C1orf198: variants seen among roughly 807,000 people sequenced by gnomAD.
C1orf198 encodes the protein uncharacterized protein C1orf198.
A neutral mutation model predicts 31.4 loss-of-function variants in C1orf198; 17 were observed. The observed-to-expected ratio is 0.54, with a 90% CI of 0.37 to 0.81. C1orf198 has a LOEUF of 0.81. Ranked by LOEUF, C1orf198 falls within the 40% of genes least tolerant of loss-of-function variation. The pLI is 0.00. For missense variants in C1orf198, 401 were observed against 450.3 expected (o/e 0.89, Z 0.99); for synonymous variants, 175 against 193.8 (o/e 0.90, Z 0.81).
upstream of C1orf198, chr1:230,868,605 G>T (rs1471464811): frequency 1.1e-5 from 9 of 855,760 alleles, no homozygotes; most frequent in East Asian, 3.7e-4. Flanking sequence ...CGCCCCCTCC[G>T]GGAACCCCGC....
Position 230,843,289 on chromosome 1 carries a change from C to T in C1orf198, c.927+65G>A. ...TGTGGCCTGCCTGCTTTGTGGGGGA[C>T]CCTCTCGGTTCCCGTGGAATAAGGC... On this transcript the variant is annotated intron_variant, in intron 3 of 3. Coordinates refer to ENST00000366663, the MANE Select transcript of C1orf198 (RefSeq NM_032800.3). The surrounding 1 kb of genome is among the most constrained non-coding windows in gnomAD (Gnocchi z 4.9). The T allele has an allele frequency of 1.3e-6, 2 of 1,508,840 alleles. No homozygotes were observed. Among genetic ancestry groups the T allele is most frequent in the Non-Finnish European group, 1.8e-6 (2 of 1,121,916 alleles). The allele number at this position is 1,508,840 out of a possible 1,614,324, so 93.5% of individuals were successfully genotyped here.
chr1:230,842,034 G>A (rs929773705), intron 3 of C1orf198, among the ~76,000 whole-genome samples: 1 of 152,158 alleles, frequency 6.6e-6, no homozygotes, highest in Non-Finnish European at 1.5e-5. Context: ...AGTCACAAAA[G>A]GGTAAATACT....
chr1:230,857,290 C>T lies in C1orf198; in HGVS notation c.334-1572G>A, dbSNP rs1479386602. ...GGCAACACAGCAGGGCCTTTGTCCGCTTCTCTATCCCAAGTGCCCGGAAGA... is the reference window on the plus strand; with the variant it reads ...GGCAACACAGCAGGGCCTTTGTCCGTTTCTCTATCCCAAGTGCCCGGAAGA... On this transcript the variant is annotated intron_variant, in intron 1 of 3. Coordinates refer to ENST00000366663, the MANE Select transcript of C1orf198 (RefSeq NM_032800.3). The surrounding 1 kb of genome is among the most constrained non-coding windows in gnomAD (Gnocchi z 4.2). 6.6e-6 allele frequency among the ~76,000 whole-genome samples: 1 copy of T among 152,230 alleles called. No homozygotes were observed. Among genetic ancestry groups the T allele is most frequent in the East Asian group, 1.9e-4 (1 of 5,194 alleles).
chr1:230,846,661 T>TA, intron 2 of C1orf198, among the ~76,000 whole-genome samples: 1 of 152,350 alleles, frequency 6.6e-6, no homozygotes, highest in Admixed American at 6.5e-5. Flanking sequence ...AGCTCAGTGT[T>TA]ACAGGAAATA....
At position 230,838,142 on chromosome 1, in the gene C1orf198, G is replaced by A. The variant is rs567174781; in HGVS notation, c.*1710C>T. 2.6e-5 allele frequency: 4 copies of A among 152,386 alleles called. No individual in the cohort carries two copies. Among genetic ancestry groups the A allele is most frequent in the African/African-American group, 7.2e-5 (3 of 41,592 alleles). 9.4% of individuals were successfully genotyped at this position (152,386 alleles called of 1,614,324 possible). A position where few individuals can be genotyped will look rare whatever the true frequency, so the allele number is the denominator to read the frequency against. ...CTGTGTGAACAGTGCCGTTAGCCCT[G>A]AGGGGAGCTGGCGCTTGCCCAGGCT... On this transcript the variant is annotated 3_prime_UTR_variant, in exon 4 of 4. Coordinates refer to ENST00000366663, the MANE Select transcript of C1orf198 (RefSeq NM_032800.3). The surrounding 1 kb of genome is among the most constrained non-coding windows in gnomAD (Gnocchi z 4.2).
At chr1:230,844,865 A>G (rs1379698762) in intron 2 of C1orf198, among the ~76,000 whole-genome samples, 1 of 152,210 alleles carries the variant, frequency 6.6e-6, no homozygotes, top group Admixed American at 6.5e-5. Context: ...TGCTAACCAC[A>G]GTGATCTCTA....
intron 1 of C1orf198, among the ~76,000 whole-genome samples, chr1:230,861,398 C>T (rs1367308781): frequency 1.3e-5 from 2 of 151,992 alleles, no homozygotes; most frequent in Admixed American, 6.5e-5. Flanking sequence ...AAAGTGTGCC[C>T]CCCCCAAAAA....
At chr1:230,858,568 G>T (rs570532534) in intron 1 of C1orf198, among the ~76,000 whole-genome samples, 132 of 152,188 alleles carry the variant, frequency 8.7e-4, no homozygotes, top group Middle Eastern at 3.4e-3. Flanking sequence ...TTTCGAAAAA[G>T]GTAAATGGAA....
intron 2 of C1orf198, among the ~76,000 whole-genome samples, chr1:230,850,751 G>A (rs565937917): frequency 3.3e-5 from 5 of 152,148 alleles, no homozygotes; most frequent in African/African-American, 1.2e-4. Flanking sequence ...AGACCAAGTT[G>A]CGGGTGGGTG....
chr1:230,856,066 T>C lies in C1orf198; in HGVS notation c.334-348A>G, dbSNP rs992309994. Reference sequence around the variant, plus strand: ...CACAGACTCAGCCCTGAACAATGATTAGCTGTGTGGCCATGGGAAGATGAC... The same window carrying C: ...CACAGACTCAGCCCTGAACAATGATCAGCTGTGTGGCCATGGGAAGATGAC... On this transcript the variant is annotated intron_variant, in intron 1 of 3. Transcript: ENST00000366663. The C allele has an allele frequency of 1.5e-5, 14 of 919,334 alleles. No homozygotes were observed. The African/African-American group carries it at 2.3e-4, about 15-fold the overall frequency. The allele number at this position is 919,334 out of a possible 1,614,324, so 56.9% of individuals were successfully genotyped here.
At chr1:230,864,005 G>C (rs185617677) in intron 1 of C1orf198, among the ~76,000 whole-genome samples, 76 of 151,640 alleles carry the variant, frequency 5.0e-4, no homozygotes, top group Non-Finnish European at 9.7e-4. Flanking sequence ...AAAAAGAAAA[G>C]GCCAGTCTAC....
At chr1:230,855,122 T>A (rs764944975) in intron 2 of C1orf198, among the ~76,000 whole-genome samples, 3 of 152,170 alleles carry the variant, frequency 2.0e-5, no homozygotes, top group Admixed American at 6.5e-5. Flanking sequence ...GGAAAATGAA[T>A]TAAAATCAGT....
intron 1 of C1orf198, among the ~76,000 whole-genome samples, chr1:230,858,300 G>A (rs1293819089): frequency 6.6e-6 from 1 of 152,134 alleles, no homozygotes; most frequent in Non-Finnish European, 1.5e-5. Flanking sequence ...AACCAAGAAG[G>A]GCTTTGTTTT....
At chr1:230,854,664 T>G (rs1669830638) in intron 2 of C1orf198, among the ~76,000 whole-genome samples, 1 of 152,194 alleles carries the variant, frequency 6.6e-6, no homozygotes, top group Non-Finnish European at 1.5e-5. Context: ...TACTAAATAC[T>G]GTCTGTGTGC....
chr1:230,868,298 C>G lies in C1orf198; in HGVS notation c.215G>C (p.Arg72Pro). 6.3e-7 allele frequency: 1 copy of G among 1,597,660 alleles called. No homozygotes were observed. Among genetic ancestry groups the G allele is most frequent in the Non-Finnish European group, 8.5e-7 (1 of 1,173,108 alleles). ...CGGGGCGCGCGGCCCCACCAGGCAC[C>G]GGTCGATGATCTCGTCCTGCTGCGC... ...PPAQQDEIID[R>P]CLVGPRAPAP... The change falls in exon 1 of 4, where the codon CGG (arginine) becomes CCG (proline). Residue 72 changes from arginine (R) to proline (P), a missense_variant. Coordinates refer to ENST00000366663, the MANE Select transcript of C1orf198 (RefSeq NM_032800.3).
At chr1:230,868,588 G>A, upstream of C1orf198, 1 of 880,632 alleles carries the variant, frequency 1.1e-6, no homozygotes, top group South Asian at 5.7e-5. Flanking sequence ...CGCGCCACCC[G>A]GAGCCCCGCC....
intron 3 of C1orf198, among the ~76,000 whole-genome samples, chr1:230,842,719 AC>A (rs1189011342): frequency 6.6e-6 from 1 of 151,730 alleles, no homozygotes; most frequent in Non-Finnish European, 1.5e-5. Flanking sequence ...ACCACCCAAA[AC>A]CTATGGAAAT....
rs200717843 is a variant in C1orf198 at position 230,843,765 on chromosome 1, C to A, written c.516G>T (p.Arg172Ser). Residue 172 changes from arginine to serine, a missense_variant, in exon 3 of 4, where the codon AGG (arginine) becomes AGT (serine). By Grantham distance (110) the Arg-to-Ser change is moderately radical (BLOSUM62 -1). Coordinates refer to ENST00000366663, the MANE Select transcript of C1orf198 (RefSeq NM_032800.3). The surrounding 1 kb of genome is among the most constrained non-coding windows in gnomAD (Gnocchi z 4.9). ...SQALKSSQGS[R>S]SSSLDALGPT... ...GGCCCAGGGCGTCCAGGCTGGAGGA[C>A]CTGCTGCCTTGGGAGGACTTGAGGG... 242 of 1,613,290 alleles carry A rather than the reference C, an allele frequency of 1.5e-4. No homozygotes were observed. The highest frequency in any genetic ancestry group is 1.8e-4 in the Non-Finnish European group (216 of 1,179,534).
In C1orf198 at chr1:230,851,238, A is replaced by G. The variant is rs540744180; in HGVS notation, c.384+4430T>C. 4.6e-5 allele frequency among the ~76,000 whole-genome samples: 7 copies of G among 152,262 alleles called. No homozygotes were observed. In the East Asian group the frequency reaches 1.4e-3, roughly 29 times the overall value. On this transcript the variant is annotated intron_variant, in intron 2 of 3. Transcript: ENST00000366663. ...CAACCTACTTACTGCCCTAATAGGC[A>G]GCTGGACATCAGGTGAAGGAAGGGG... is the stretch of plus-strand genomic sequence containing the variant.
Sources: gnomAD v4.1 joint callset for allele counts (sites outside exome capture counted in the v4.1 genomes callset) on GRCh38, gnomAD v4.1.1 for gene constraint, Gnocchi (gnomAD v3.1) non-coding constraint, MANE v1.5 for transcripts, NCBI Gene and HGNC (gene_info 2026-07-23, HGNC 2026-07-21) for gene names.